The following MAMLD1 variants were observed in gnomAD, a reference collection of about 807,000 sequenced individuals.
MAMLD1 encodes mastermind like domain containing 1.
A neutral mutation model predicts 45.0 loss-of-function variants in MAMLD1; 14 were observed. The observed-to-expected ratio is 0.31, with a 90% CI of 0.21 to 0.49. The LOEUF (loss-of-function observed/expected upper bound fraction) is 0.49, where lower values mean the gene tolerates loss of function less well. Among genes scored for constraint, MAMLD1 ranks in the 20% least tolerant of loss-of-function variants. The probability of loss-of-function intolerance (pLI) is 0.99; values close to 1 mark genes in which losing one functional copy is unlikely to be tolerated. For synonymous variants in MAMLD1, 254 were observed against 247.8 expected (o/e 1.02, Z -0.24); for missense variants, 543 against 603.6 (o/e 0.90, Z 1.05).
Position 150,513,155 on chromosome X carries a change from C to T in MAMLD1, c.*1196C>T, listed in dbSNP as rs920440647. The T allele has an allele frequency of 1.8e-5, 15 of 847,231 alleles. No individual in the cohort carries two copies. In the Admixed American group the frequency reaches 3.3e-4, roughly 19 times the overall value. The allele number at this position is 847,231 out of a possible 1,213,427, so 69.8% of individuals were successfully genotyped here. On this transcript the variant is annotated 3_prime_UTR_variant, in exon 8 of 8. Transcript: ENST00000370401. ...TCGATCCATACCCGCAGTTGTCTCC[C>T]GTTACAATTTGAGTGGTGTTGTCAG... is the stretch of plus-strand genomic sequence containing the variant.
chrX:150,490,684 GAGGTTGTCT>G (rs1179151843), intron 5 of MAMLD1, among the ~76,000 whole-genome samples: 4 of 111,948 alleles, frequency 3.6e-5, no homozygotes, highest in Non-Finnish European at 5.6e-5. Context: ...AAAGATATTG[GAGGTTGTCT>G]AGTTCGACTA....
At chrX:150,383,562 A>G (rs1033742072) in intron 1 of MAMLD1, among the ~76,000 whole-genome samples, 10 of 111,634 alleles carry the variant, frequency 9.0e-5, no homozygotes, top group Admixed American at 7.6e-4. Context: ...TGCATTTTCT[A>G]TGCAGCAGTT....
chrX:150,396,763 T>C (rs2033435106), intron 1 of MAMLD1, among the ~76,000 whole-genome samples: 1 of 111,885 alleles, frequency 8.9e-6, no homozygotes, highest in Non-Finnish European at 1.9e-5. Flanking sequence ...TTGTTGTTTT[T>C]CTTTTGCCTG....
intron 5 of MAMLD1, among the ~76,000 whole-genome samples, chrX:150,495,206 A>AAAACAAACAAACAAAC (rs201099079): frequency 1.5e-3 from 151 of 104,120 alleles, no homozygotes; most frequent in African/African-American, 2.3e-3. Flanking sequence ...ATTCCGTCTC[A>AAAACAAACAAACAAAC]AAACAAACAA....
intron 1 of MAMLD1, among the ~76,000 whole-genome samples, chrX:150,406,053 C>T (rs1557402657): frequency 1.8e-5 from 2 of 111,512 alleles, no homozygotes; most frequent in African/African-American, 6.5e-5. Context: ...AACGTTTATT[C>T]AGCCTACCCT....
intron 2 of MAMLD1, among the ~76,000 whole-genome samples, chrX:150,448,481 T>A (rs1557404898): frequency 8.9e-6 from 1 of 112,296 alleles, no homozygotes; most frequent in Admixed American, 9.4e-5. Flanking sequence ...AAATGCTGAA[T>A]ACATATCAGG....
rs1247641624 is a variant in MAMLD1 at position 150,481,982 on chromosome X, AAG to A, written c.2040+8182_2040+8183del. 1.3e-4 allele frequency among the ~76,000 whole-genome samples: 12 copies of A among 94,786 alleles called. No homozygotes were observed. The South Asian group carries it at 1.5e-3, about 12-fold the overall frequency. 82.3% of individuals were successfully genotyped at this position (94,786 alleles called of 115,157 possible). A position where few individuals can be genotyped will look rare whatever the true frequency, so the allele number is the denominator to read the frequency against. On this transcript the variant is annotated intron_variant, in intron 5 of 7. Transcript: ENST00000370401. ...GAAAGAAAAAAGAAAGAAAGAAAGA[AAG>A]AAAGAAAGAAAGAAAGAAAGAAAGA...
chrX:150,408,370 T>G (rs1230797330), intron 1 of MAMLD1, among the ~76,000 whole-genome samples: 1 of 103,910 alleles, frequency 9.6e-6, no homozygotes, highest in African/African-American at 4.1e-5. Flanking sequence ...TTGCTCTCCA[T>G]TTTTTTTTCA....
intron 5 of MAMLD1, among the ~76,000 whole-genome samples, chrX:150,488,419 C>T (rs1169048417): frequency 8.9e-6 from 1 of 112,762 alleles, no homozygotes; most frequent in Non-Finnish European, 1.9e-5. Context: ...CTTCTGGCTG[C>T]ATCTTGAATG....
intron 3 of MAMLD1, among the ~76,000 whole-genome samples, chrX:150,465,613 C>A (rs781995336): frequency 8.9e-6 from 1 of 112,407 alleles, no homozygotes; most frequent in Non-Finnish European, 1.9e-5. Flanking sequence ...ACTCCCTCCC[C>A]CTTCCTCACC....
At chrX:150,363,800 C>T (rs977585465) in intron 1 of MAMLD1, among the ~76,000 whole-genome samples, 336 of 112,396 alleles carry the variant, frequency 3.0e-3, no homozygotes, top group Admixed American at 7.9e-3. Context: ...TGAAATCCGG[C>T]GGGGACAGCC....
chrX:150,512,682 A>C lies in MAMLD1; in HGVS notation c.*723A>C, dbSNP rs1557409259. On this transcript the variant is annotated 3_prime_UTR_variant, in exon 8 of 8. Coordinates refer to ENST00000370401, the MANE Select transcript of MAMLD1 (RefSeq NM_005491.5). ...GTAGCAAACACCACCAAGTTCCTCC[A>C]GCAGGGTATGGCCAGCTTTAGTCCC... The C allele has an allele frequency of 8.7e-7, 1 of 1,149,997 alleles. No homozygotes were observed. 94.8% of individuals were successfully genotyped at this position (1,149,997 alleles called of 1,213,427 possible).
chrX:150,467,837 A>G (rs1359000112), intron 3 of MAMLD1, among the ~76,000 whole-genome samples: 1 of 111,885 alleles, frequency 8.9e-6, no homozygotes, highest in Non-Finnish European at 1.9e-5. Flanking sequence ...TAAGAAGGGT[A>G]TTGGACTCCC....
intron 2 of MAMLD1, among the ~76,000 whole-genome samples, chrX:150,447,307 C>G (rs1390199125): frequency 1.8e-5 from 2 of 112,257 alleles, no homozygotes; most frequent in Non-Finnish European, 3.8e-5. Flanking sequence ...AAAGAGTTCT[C>G]TGTTGGTTCT....
intron 1 of MAMLD1, among the ~76,000 whole-genome samples, chrX:150,422,919 C>A (rs2034567584): frequency 8.9e-6 from 1 of 111,733 alleles, no homozygotes; most frequent in Non-Finnish European, 1.9e-5. Context: ...AAGGGGCTTT[C>A]TGGTTCAAGG....
intron 1 of MAMLD1, among the ~76,000 whole-genome samples, chrX:150,388,725 A>G (rs1477575388): frequency 3.6e-5 from 4 of 110,807 alleles, no homozygotes; most frequent in African/African-American, 1.3e-4. Context: ...TCTCTTTTCA[A>G]TCTTGCTAGA....
chrX:150,363,260 C>G (rs782797646), upstream of MAMLD1: 1 of 113,169 alleles, frequency 8.8e-6, no homozygotes, highest in African/African-American at 3.2e-5. Flanking sequence ...CTTAAACCCC[C>G]GAAACTCCAC....
At chrX:150,452,793 C>T (rs1448319544) in intron 2 of MAMLD1, among the ~76,000 whole-genome samples, 2 of 93,835 alleles carry the variant, frequency 2.1e-5, no homozygotes, top group African/African-American at 7.9e-5. Context: ...TGATGTTCCC[C>T]TTCCCGTGTC....
chrX:150,450,584 C>T (rs1455228661), intron 2 of MAMLD1, among the ~76,000 whole-genome samples: 1 of 111,626 alleles, frequency 9.0e-6, no homozygotes, highest in Non-Finnish European at 1.9e-5. Flanking sequence ...TCTTTGCCTG[C>T]GTCAGGGTTT....
Sources: allele counts gnomAD v4.1 joint callset (sites outside exome capture counted in the v4.1 genomes callset), GRCh38; gene constraint gnomAD v4.1.1; transcripts MANE v1.5; gene names NCBI Gene and HGNC (gene_info 2026-07-23, HGNC 2026-07-21).